ITFG1: variants seen among roughly 807,000 people sequenced by gnomAD.
ITFG1 encodes the protein integrin alpha FG-GAP repeat containing 1.
A neutral mutation model predicts 81.8 loss-of-function variants in ITFG1; 34 were observed. That is an observed-to-expected ratio of 0.42 (90% CI 0.32 to 0.55). The LOEUF (loss-of-function observed/expected upper bound fraction) is 0.55, where lower values mean the gene tolerates loss of function less well. Ranked by LOEUF, ITFG1 falls within the 20% of genes least tolerant of loss-of-function variation. The pLI, the probability that ITFG1 is intolerant of heterozygous loss-of-function variation, is 0.17. For synonymous variants in ITFG1, 285 were observed against 270.6 expected, an observed-to-expected ratio of 1.05 and a Z score of -0.52; for missense variants, 672 against 755.4, an observed-to-expected ratio of 0.89 and a Z score of 1.29.
At chr16:47,353,364 C>A (rs1967993329) in intron 8 of ITFG1, among the ~76,000 whole-genome samples, 1 of 151,990 alleles carries the variant, frequency 6.6e-6, no homozygotes, top group East Asian at 1.9e-4. Flanking sequence ...GTGATAAAAA[C>A]CTCTCAACAG....
At chr16:47,222,513 A>C (rs993905803) in intron 13 of ITFG1, among the ~76,000 whole-genome samples, 12 of 149,340 alleles carry the variant, frequency 8.0e-5, no homozygotes, top group Non-Finnish European at 1.8e-4. Context: ...TCCCAGGTTC[A>C]CGCCATTCTC....
chr16:47,251,467 T>C (rs1237998246), intron 12 of ITFG1, among the ~76,000 whole-genome samples: 1 of 149,606 alleles, frequency 6.7e-6, no homozygotes, highest in Non-Finnish European at 1.5e-5. Flanking sequence ...CAACACTGAT[T>C]CTTTTAAGAA....
chr16:47,164,745 T>C lies in ITFG1; in HGVS notation c.1454-2081A>G, dbSNP rs556590737. On this transcript the variant is annotated intron_variant, in intron 14 of 17. Coordinates refer to ENST00000320640, the MANE Select transcript of ITFG1 (RefSeq NM_030790.5). ...ATAGCCAAGATGCTGAGAATGAAGA[T>C]TTTCCAGGGAGCTGCTAGTTCAGAC... Among the ~76,000 whole-genome samples, 50 of 152,340 alleles carry C rather than the reference T, an allele frequency of 3.3e-4. No homozygotes were observed. The Middle Eastern group carries it at 0.02, about 62-fold the overall frequency.
rs74696279 is a variant in ITFG1, at chr16:47,160,332, A to G, written c.1662-1342T>C. On this transcript the variant is annotated intron_variant, in intron 16 of 17. Coordinates refer to ENST00000320640, the MANE Select transcript of ITFG1 (RefSeq NM_030790.5). ...TATAGATGGCTTCTTTTTAAATCAC[A>G]ATGGCTGCTTATTATACATACTCTT... 2.7e-3 allele frequency among the ~76,000 whole-genome samples: 410 copies of G among 152,166 alleles called. 2 individuals carry two copies. The highest frequency in any genetic ancestry group is 5.2e-3 in the Admixed American group (80 of 15,276).
chr16:47,200,628 G>A (rs1483525466), intron 14 of ITFG1, among the ~76,000 whole-genome samples: 4 of 152,112 alleles, frequency 2.6e-5, no homozygotes, highest in Non-Finnish European at 5.9e-5. Context: ...AGAGAAAAAA[G>A]AGAAAATATA....
intron 6 of ITFG1, among the ~76,000 whole-genome samples, chr16:47,379,550 T>A (rs1265087490): frequency 6.6e-6 from 1 of 151,960 alleles, no homozygotes; most frequent in Non-Finnish European, 1.5e-5. Context: ...TAGCCAGGCG[T>A]GGTGGTGTGC....
At chr16:47,416,301 T>C (rs766806230) in intron 6 of ITFG1, among the ~76,000 whole-genome samples, 1 of 151,746 alleles carries the variant, frequency 6.6e-6, no homozygotes, top group Non-Finnish European at 1.5e-5. Context: ...AATCATATAG[T>C]GGATAAGTCA....
chr16:47,282,087 C>T (rs1966456865), intron 10 of ITFG1, among the ~76,000 whole-genome samples: 1 of 151,750 alleles, frequency 6.6e-6, no homozygotes, highest in South Asian at 2.1e-4. Context: ...CACATCCCCT[C>T]AGCCTCATGG....
chr16:47,406,158 G>T (rs941824439), intron 6 of ITFG1, among the ~76,000 whole-genome samples: 1 of 152,172 alleles, frequency 6.6e-6, no homozygotes, highest in African/African-American at 2.4e-5. Flanking sequence ...TTTTAGAGCA[G>T]AATTTGAATC....
intron 10 of ITFG1, among the ~76,000 whole-genome samples, chr16:47,272,296 AGTC>A (rs2151546483): frequency 6.6e-6 from 1 of 152,330 alleles, no homozygotes; most frequent in African/African-American, 2.4e-5. Flanking sequence ...CAGTGGACGA[AGTC>A]GTAGGGGAAT....
intron 7 of ITFG1, 85 bp from the exon 8 acceptor site, chr16:47,365,954 G>A: frequency 5.7e-6 from 4 of 706,758 alleles, no homozygotes; most frequent in South Asian, 3.8e-5. Context: ...ACTGAACTGG[G>A]GAAATAAATA....
intron 6 of ITFG1, among the ~76,000 whole-genome samples, chr16:47,384,675 G>A (rs928379288): frequency 6.6e-6 from 1 of 152,180 alleles, no homozygotes; most frequent in African/African-American, 2.4e-5. Context: ...ATAAAATGAT[G>A]TGAAAGAATG....
intron 13 of ITFG1, among the ~76,000 whole-genome samples, chr16:47,223,829 T>C (rs1965724431): frequency 1.3e-5 from 2 of 152,106 alleles, no homozygotes; most frequent in African/African-American, 2.4e-5. Context: ...TGTCCAACGA[T>C]GATAGACTGG....
intron 6 of ITFG1, among the ~76,000 whole-genome samples, chr16:47,422,304 A>T (rs188041933): frequency 1.1e-3 from 175 of 152,304 alleles, no homozygotes; most frequent in Non-Finnish European, 1.9e-3. Context: ...ACAGTGTAAA[A>T]GTGTTCCTAT....
chr16:47,224,065 T>C (rs1596818221), intron 13 of ITFG1, among the ~76,000 whole-genome samples: 1 of 69,366 alleles, frequency 1.4e-5, no homozygotes, highest in South Asian at 5.8e-4. Flanking sequence ...GGGACTGTTG[T>C]GGGGTGGGGG....
intron 7 of ITFG1, 63 bp downstream of exon 7, chr16:47,375,813 T>G: frequency 9.9e-7 from 1 of 1,009,666 alleles, no homozygotes; most frequent in South Asian, 1.3e-5. Context: ...TTTTATTTTC[T>G]AAAATTGTGT....
rs564379917 is a variant in ITFG1, at chr16:47,352,322, T to C, written c.802+13466A>G. ...GCAATCTACTCATCTGACAAAGGGG[T>C]AATATCCCAAATCTACAATGAACTC... On this transcript the variant is annotated intron_variant, in intron 8 of 17. Transcript: ENST00000320640. Among the ~76,000 whole-genome samples the C allele has an allele frequency of 3.9e-4, 59 of 152,104 alleles. No individual in the cohort carries two copies. The South Asian group carries it at 0.012, about 31-fold the overall frequency.
At chr16:47,222,505 C>T (rs577448858) in intron 13 of ITFG1, among the ~76,000 whole-genome samples, 33 of 151,812 alleles carry the variant, frequency 2.2e-4, no homozygotes, top group Admixed American at 3.9e-4. Flanking sequence ...GCTCCGCCTC[C>T]CAGGTTCACG....
intron 9 of ITFG1, chr16:47,312,840 A>G (rs1430776519): frequency 1.3e-5 from 2 of 152,160 alleles, no homozygotes; most frequent in South Asian, 2.1e-4. Flanking sequence ...TCCCAGAGAG[A>G]GATGACTGTA....
Sources: gnomAD v4.1 joint callset for allele counts (sites outside exome capture counted in the v4.1 genomes callset) on GRCh38, gnomAD v4.1.1 for gene constraint, MANE v1.5 for transcripts, NCBI Gene and HGNC (gene_info 2026-07-23, HGNC 2026-07-21) for gene names.